Variants in RNF213 observed in about 807,000 individuals in gnomAD.
The protein encoded by RNF213 is ring finger protein 213.
A neutral mutation model predicts 514.4 loss-of-function variants in RNF213; 341 were observed. The observed-to-expected ratio is 0.66, with a 90% CI of 0.61 to 0.73. The LOEUF is 0.73. RNF213 is among the 30% of genes least tolerant of loss of function. RNF213 has a pLI of 0.00. For synonymous variants in RNF213, 2,655 were observed against 2,658.2 expected (o/e 1.00, Z 0.04); for missense variants, 5,767 against 6,615.6 (o/e 0.87, Z 4.45).
chr17:80,381,175 A>T (rs1394445523), intron 56 of RNF213, 188 bp downstream of exon 56: 1 of 679,610 alleles, frequency 1.5e-6, no homozygotes, highest in Non-Finnish European at 2.6e-6. Flanking sequence ...GGGGGGAACT[A>T]CTCCCCAGAT....
chr17:80,329,701 C>T (rs1047681496), intron 20 of RNF213, among the ~76,000 whole-genome samples: 8 of 152,068 alleles, frequency 5.3e-5, no homozygotes, highest in African/African-American at 9.7e-5. Flanking sequence ...CACGGTGGTG[C>T]ATGCCTGTAT....
rs935476317 is a variant in RNF213, at chr17:80,312,913, G to A, written c.2656-99G>A. 33 of 1,391,114 alleles carry A rather than the reference G, an allele frequency of 2.4e-5. No homozygotes were observed. The East Asian group carries it at 6.4e-4, about 27-fold the overall frequency. 86.2% of individuals were successfully genotyped at this position (1,391,114 alleles called of 1,614,324 possible). On this transcript the variant is annotated intron_variant, in intron 14 of 67. Coordinates refer to ENST00000582970, the MANE Select transcript of RNF213 (RefSeq NM_001256071.3). Reference sequence around the variant, plus strand: ...CTCCATCGTAGCCACTCCTTGAGCAGCCTGTGCCAGCAGGGAGGAGAGGAG... The same window carrying A: ...CTCCATCGTAGCCACTCCTTGAGCAACCTGTGCCAGCAGGGAGGAGAGGAG...
intron 2 of RNF213, among the ~76,000 whole-genome samples, chr17:80,265,245 C>A (rs2043574233): frequency 6.6e-6 from 1 of 152,116 alleles, no homozygotes; most frequent in South Asian, 2.1e-4. Flanking sequence ...TGGGGTTTCA[C>A]CATGTTGGCC....
chr17:80,318,790 G>C (rs1043800690), intron 16 of RNF213, among the ~76,000 whole-genome samples: 1 of 151,966 alleles, frequency 6.6e-6, no homozygotes, highest in Admixed American at 6.6e-5. Flanking sequence ...AGCCAGGATG[G>C]TCTCGATCTC....
intron 22 of RNF213, among the ~76,000 whole-genome samples, chr17:80,335,024 C>T (rs1204675060): frequency 5.3e-5 from 8 of 151,520 alleles, no homozygotes; most frequent in South Asian, 2.1e-4. Context: ...TGGATTCAAG[C>T]GATTTTCCTG....
At chr17:80,387,899 G>A (rs113613506) in intron 63 of RNF213, among the ~76,000 whole-genome samples, 3,924 of 151,090 alleles carry the variant, frequency 0.026, 90 homozygotes, top group Non-Finnish European at 0.043. Context: ...CATATCTACT[G>A]TACTTATGTA....
At position 80,339,556 on chromosome 17, in the gene RNF213, C is replaced by A; in HGVS notation, c.5189C>A (p.Ser1730Tyr). 1 of 1,537,224 alleles carries A rather than the reference C, an allele frequency of 6.5e-7. No homozygotes were observed. Among genetic ancestry groups the A allele is most frequent in the Non-Finnish European group, 8.7e-7 (1 of 1,146,900 alleles). ...PPSDAALTMLSFIKSNCTLRD... is the reference protein window; with the variant it reads ...PPSDAALTMLYFIKSNCTLRD... ...AGTGATGCCGCCCTAACGATGCTAT[C>A]CTTCATCAAAAGCAACTGCACCCTG... Residue 1730 changes from serine to tyrosine, a missense_variant, in exon 26 of 68, where the codon TCC (serine) becomes TAC (tyrosine). Ser to Tyr is a moderately radical substitution (Grantham distance 144). This residue lies in a region of RNF213 where 1,377 missense variants were observed against 1,635.2 expected (regional missense o/e 0.84). Transcript: ENST00000582970.
chr17:80,278,551 G>T (rs1298330949), intron 3 of RNF213, among the ~76,000 whole-genome samples: 2 of 152,210 alleles, frequency 1.3e-5, no homozygotes, highest in Non-Finnish European at 2.9e-5. Flanking sequence ...CTGCACGTCT[G>T]CAGGAGCTGC....
At chr17:80,295,207 A>G (rs960720717) in intron 9 of RNF213, among the ~76,000 whole-genome samples, 5 of 151,968 alleles carry the variant, frequency 3.3e-5, no homozygotes, top group African/African-American at 1.2e-4. Flanking sequence ...TCTCAGCCCC[A>G]CCCCAGCACC....
At chr17:80,362,029 G>T in intron 39 of RNF213, 141 bp downstream of exon 39, 1 of 938,978 alleles carries the variant, frequency 1.1e-6, no homozygotes. Flanking sequence ...GAAGGGTGCC[G>T]GTGGGTGAAG....
intron 2 of RNF213, among the ~76,000 whole-genome samples, chr17:80,265,044 GTT>G (rs55814957): frequency 3.6e-5 from 4 of 110,882 alleles, no homozygotes; most frequent in Non-Finnish European, 1.7e-5. Flanking sequence ...ATGTTTGTTT[GTT>G]TTTTTTTTTT....
At chr17:80,266,569 T>G (rs1016590835) in intron 2 of RNF213, among the ~76,000 whole-genome samples, 2 of 152,122 alleles carry the variant, frequency 1.3e-5, no homozygotes, top group Non-Finnish European at 2.9e-5. Flanking sequence ...TGGTGCCATT[T>G]CAGCTCACTG....
chr17:80,263,550 G>A lies in RNF213; in HGVS notation c.-108-24G>A. On this transcript the variant is annotated intron_variant, in intron 1 of 67. Transcript: ENST00000582970. The surrounding 1 kb of genome is among the most constrained non-coding windows in gnomAD (Gnocchi z 4.9). ...TTCCATTAACCAGGGGACCAGCTGG[G>A]CTGCTGTGATTTCACTTTCGCAGAA... 1 of 785,526 alleles carries A rather than the reference G, an allele frequency of 1.3e-6. No individual in the cohort carries two copies. The highest frequency in any genetic ancestry group is 2.3e-6 in the Non-Finnish European group (1 of 442,598). 48.7% of individuals were successfully genotyped at this position (785,526 alleles called of 1,614,324 possible). A position where few individuals can be genotyped will look rare whatever the true frequency, so the allele number is the denominator to read the frequency against.
chr17:80,262,217 G>A (rs1402007129), intron 1 of RNF213, among the ~76,000 whole-genome samples: 1 of 151,880 alleles, frequency 6.6e-6, no homozygotes, highest in East Asian at 1.9e-4. Context: ...GGGCTTGGCT[G>A]TGGCAGGGGT....
chr17:80,390,094 A>G lies in RNF213; in HGVS notation c.15368A>G (p.Gln5123Arg), dbSNP rs759686715. 1 of 1,614,096 alleles carries G rather than the reference A, an allele frequency of 6.2e-7. No homozygotes were observed. Among genetic ancestry groups the G allele is most frequent in the Non-Finnish European group, 8.5e-7 (1 of 1,180,052 alleles). ...NAKLLSTFLN[Q>R]TGLDAFLLEL... ...AAGCTCCTCAGCACATTCCTAAATC[A>G]GACTGGCCTAGACGCCTTCCTGCTA... Residue 5123 changes from glutamine (Q) to arginine (R), a missense_variant, in exon 67 of 68, where the codon CAG becomes CGG. Physicochemically the swap from Gln to Arg is conservative, Grantham distance 43. Around this residue, in one of 13 missense-constraint regions of RNF213, gnomAD observed 1,245 missense variants for 1,339.0 expected, o/e 0.93. Coordinates refer to ENST00000582970, the MANE Select transcript of RNF213 (RefSeq NM_001256071.3).
At chr17:80,281,470 TCACACACCCCCCAACATACATACAC>T (rs2044279153) in intron 3 of RNF213, among the ~76,000 whole-genome samples, 2 of 58,808 alleles carry the variant, frequency 3.4e-5, no homozygotes, top group Admixed American at 2.4e-4. Flanking sequence ...CTCACAACAC[TCACACACCCCCCAACATACATACAC>T]CCCACTCACA....
At chr17:80,294,116 T>G (rs1290632757) in intron 8 of RNF213, among the ~76,000 whole-genome samples, 1 of 152,224 alleles carries the variant, frequency 6.6e-6, no homozygotes, top group Non-Finnish European at 1.5e-5. Context: ...CTAATTATTT[T>G]ACAGTCAACC....
At chr17:80,290,344 T>C (rs1407779994) in intron 6 of RNF213, among the ~76,000 whole-genome samples, 3 of 151,836 alleles carry the variant, frequency 2.0e-5, no homozygotes, top group African/African-American at 7.3e-5. Flanking sequence ...CGCACGTGTG[T>C]GCGTGTGCAT....
chr17:80,277,362 C>T (rs555964191), intron 3 of RNF213, among the ~76,000 whole-genome samples: 2 of 152,142 alleles, frequency 1.3e-5, no homozygotes, highest in African/African-American at 4.8e-5. Context: ...CATTGGGAGG[C>T]TGAGGCGGGT....
Sources: gnomAD v4.1 joint callset for allele counts (sites outside exome capture counted in the v4.1 genomes callset) on GRCh38, gnomAD v4.1.1 for gene constraint, gnomAD v4.1.1 regional missense constraint, Gnocchi (gnomAD v3.1) non-coding constraint, MANE v1.5 for transcripts, NCBI Gene and HGNC (gene_info 2026-07-23, HGNC 2026-07-21) for gene names.